SAXO5: variants seen among roughly 807,000 people sequenced by gnomAD.
The protein encoded by SAXO5 is stabilizer of axonemal microtubules 5.
At chr19:7,506,879 G>T in the SAXO5 span, 1 of 571,712 alleles carries the variant, frequency 1.7e-6, no homozygotes, top group Non-Finnish European at 3.1e-6. Context: ...CCTTCCTCTG[G>T]CTTCTCCCTC....
At chr19:7,499,926 T>G in the SAXO5 span, 1 of 67,598 alleles carries the variant, frequency 1.5e-5, no homozygotes, top group Non-Finnish European at 3.1e-5. Context: ...ACCACACTTG[T>G]CTAATTTGTG....
the SAXO5 span, among the ~76,000 whole-genome samples, chr19:7,502,693 C>G: frequency 6.6e-6 from 1 of 152,106 alleles, no homozygotes; most frequent in Non-Finnish European, 1.5e-5. Flanking sequence ...TCCCCACACC[C>G]CCCAGCCTTA....
At chr19:7,506,161 G>A in the SAXO5 span, 5 of 1,596,944 alleles carry the variant, frequency 3.1e-6, no homozygotes, top group Admixed American at 1.7e-5. Flanking sequence ...CGCGGGGCAC[G>A]GGCGGTGAGC....
chr19:7,507,698 T>C, the SAXO5 span, among the ~76,000 whole-genome samples: 1 of 152,038 alleles, frequency 6.6e-6, no homozygotes, highest in Non-Finnish European at 1.5e-5. Flanking sequence ...GAGGGTTAAT[T>C]CAGAGCCACC....
At chr19:7,500,983 G>A in the SAXO5 span, 1 of 1,539,080 alleles carries the variant, frequency 6.5e-7, no homozygotes, top group South Asian at 1.2e-5. Context: ...GCTGCCACCC[G>A]GGAGCCGCCG....
the SAXO5 span, chr19:7,504,151 C>G: frequency 1.9e-6 from 3 of 1,613,808 alleles, no homozygotes; most frequent in South Asian, 1.1e-5. Flanking sequence ...TGGGACTACA[C>G]GAGACAAGAT....
At chr19:7,506,907 T>TC in the SAXO5 span, 98 of 554,138 alleles carry the variant, frequency 1.8e-4, no homozygotes, top group Middle Eastern at 8.5e-4. Flanking sequence ...GGCTCCTCCC[T>TC]CCCCCCTCTC....
the SAXO5 span, chr19:7,504,095 C>CTCT: frequency 2.8e-6 from 2 of 724,548 alleles, no homozygotes; most frequent in Non-Finnish European, 4.2e-6. Context: ...TCTCTCTCTC[C>CTCT]CCCCATCCCC....
chr19:7,504,205 C>A, the SAXO5 span: 27 of 1,614,062 alleles, frequency 1.7e-5, no homozygotes, highest in Non-Finnish European at 2.1e-5. Flanking sequence ...CCAGGCCCAC[C>A]TGCCTTGAGG....
the SAXO5 span, among the ~76,000 whole-genome samples, chr19:7,499,167 A>C: frequency 6.6e-6 from 1 of 151,522 alleles, no homozygotes; most frequent in Non-Finnish European, 1.5e-5. Flanking sequence ...CAAAACTTAG[A>C]CGGGCATGGT....
the SAXO5 span, among the ~76,000 whole-genome samples, chr19:7,498,393 C>CTTTTTTTT: frequency 4.3e-5 from 5 of 115,358 alleles, no homozygotes; most frequent in Non-Finnish European, 5.2e-5. Context: ...GTATTTTTTT[C>CTTTTTTTT]TTTTTTTTTT....
At chr19:7,500,945 C>G in the SAXO5 span, 1 of 1,578,040 alleles carries the variant, frequency 6.3e-7, no homozygotes, top group Non-Finnish European at 8.5e-7. Context: ...CCATGCGCAC[C>G]ACGTCGCACC....
chr19:7,505,895 T>G, the SAXO5 span: 3 of 1,446,986 alleles, frequency 2.1e-6, no homozygotes, highest in Non-Finnish European at 2.8e-6. Flanking sequence ...AGAGCCCACC[T>G]CCTCCCTCCC....
At chr19:7,507,239 A>C in the SAXO5 span, 4 of 1,076,692 alleles carry the variant, frequency 3.7e-6, no homozygotes, top group Middle Eastern at 4.0e-4. Context: ...TCTCAGAGTT[A>C]GTGATCACCC....
chr19:7,500,984 G>A, the SAXO5 span: 4 of 1,539,234 alleles, frequency 2.6e-6, no homozygotes, highest in Non-Finnish European at 3.5e-6. Context: ...CTGCCACCCG[G>A]GAGCCGCCGA....
At chr19:7,500,482 T>A in the SAXO5 span, among the ~76,000 whole-genome samples, 19 of 148,476 alleles carry the variant, frequency 1.3e-4, no homozygotes, top group African/African-American at 4.9e-4. Flanking sequence ...TTTTTAAAAA[T>A]TATTTTTAGT....
the SAXO5 span, chr19:7,501,341 G>A: frequency 2.6e-6 from 4 of 1,560,158 alleles, no homozygotes; most frequent in Admixed American, 5.5e-5. Flanking sequence ...CCACGCACCA[G>A]GCGCTCTTTC....
At chr19:7,501,152 C>G in the SAXO5 span, 3 of 1,510,980 alleles carry the variant, frequency 2.0e-6, no homozygotes, top group Non-Finnish European at 2.6e-6. Flanking sequence ...CCATGCAGGC[C>G]GGCAACCTGC....
chr19:7,501,152 C>T, the SAXO5 span: 3 of 1,511,088 alleles, frequency 2.0e-6, no homozygotes, highest in East Asian at 2.7e-5. Context: ...CCATGCAGGC[C>T]GGCAACCTGC....
Sources: gnomAD v4.1 joint callset for allele counts (sites outside exome capture counted in the v4.1 genomes callset) on GRCh38, gnomAD v4.1.1 for gene constraint, MANE v1.5 for transcripts, NCBI Gene and HGNC (gene_info 2026-07-23, HGNC 2026-07-21) for gene names.